Variants in CES5A observed in about 807,000 individuals in gnomAD.
CES5A encodes the protein carboxylesterase 5A.
Under a neutral mutation model 62.9 loss-of-function variants are expected in CES5A, and 67 were observed. That is an observed-to-expected ratio of 1.07 (90% CI 0.88 to 1.31). CES5A has a LOEUF of 1.31. Ranked by LOEUF, CES5A falls within the 50% of genes most tolerant of loss-of-function variation. The pLI is 0.00. For missense variants in CES5A, 748 were observed against 708.5 expected (o/e 1.06, Z -0.63); for synonymous variants, 296 against 280.8 (o/e 1.05, Z -0.54).
intron 1 of CES5A, among the ~76,000 whole-genome samples, chr16:55,882,873 T>C (rs2033775775): frequency 6.6e-6 from 1 of 152,208 alleles, no homozygotes; most frequent in Non-Finnish European, 1.5e-5. Flanking sequence ...CTCTTGCTCA[T>C]CCTGTCCATT....
At chr16:55,868,271 C>A (rs1304140650) in intron 4 of CES5A, among the ~76,000 whole-genome samples, 1 of 152,222 alleles carries the variant, frequency 6.6e-6, no homozygotes, top group Non-Finnish European at 1.5e-5. Flanking sequence ...GGTCAGGGCA[C>A]CCCGTCAGCC....
At chr16:55,952,884 A>G (rs2034573433) in intron 1 of CES5A, among the ~76,000 whole-genome samples, 1 of 152,212 alleles carries the variant, frequency 6.6e-6, no homozygotes, top group African/African-American at 2.4e-5. Context: ...GGCATGGAAG[A>G]AGATAAAAAC....
intron 4 of CES5A, among the ~76,000 whole-genome samples, chr16:55,866,674 A>C (rs2033470118): frequency 7.2e-6 from 1 of 138,610 alleles, no homozygotes; most frequent in African/African-American, 2.6e-5. Context: ...AAAAAAAAAA[A>C]AAAATACAAA....
chr16:55,955,572 C>T (rs1048566726), intron 1 of CES5A, among the ~76,000 whole-genome samples: 2 of 152,162 alleles, frequency 1.3e-5, no homozygotes, highest in African/African-American at 4.8e-5. Flanking sequence ...CGCCACATGC[C>T]GCATGGAGGA....
In CES5A at chr16:55,871,760, G is replaced by A; in HGVS notation, c.282C>T (p.Cys94=). Residue 94 remains cysteine, a synonymous_variant, in exon 3 of 13, where the codon TGC becomes TGT. Transcript: ENST00000290567. The stretch of plus-strand genomic sequence containing the variant: ...AGAGCAGCCACTCTGAGTTCTGGAG[G>A]CACCTTGGAGAAGGAGAGGAGAAAA... ...LREATSYPNL[C]LQNSEWLLLD... The A allele has an allele frequency of 6.2e-7, 1 of 1,613,864 alleles. No homozygotes were observed. The highest frequency in any genetic ancestry group is 1.1e-5 in the South Asian group (1 of 91,036).
chr16:55,882,159 T>C (rs2033768292), intron 1 of CES5A, among the ~76,000 whole-genome samples: 1 of 152,168 alleles, frequency 6.6e-6, no homozygotes, highest in Non-Finnish European at 1.5e-5. Flanking sequence ...CTCATTGTTT[T>C]AAGGAGTCTG....
chr16:55,885,663 C>T (rs913741380), intron 1 of CES5A, among the ~76,000 whole-genome samples: 8 of 152,138 alleles, frequency 5.3e-5, no homozygotes, highest in African/African-American at 1.9e-4. Context: ...TGTATCCCTG[C>T]TACACTCGTT....
intron 2 of CES5A, among the ~76,000 whole-genome samples, chr16:55,935,018 C>CT (rs2034357598): frequency 6.6e-6 from 1 of 152,244 alleles, no homozygotes; most frequent in African/African-American, 2.4e-5. Flanking sequence ...TCTCAGCTCA[C>CT]TGCAACCTCC....
At chr16:55,861,630 T>A in intron 6 of CES5A, 114 bp from the exon 7 acceptor site, 1 of 738,916 alleles carries the variant, frequency 1.4e-6, no homozygotes, top group Non-Finnish European at 2.4e-6. Flanking sequence ...TATGAGTCCA[T>A]CCTGCTAACA....
chr16:55,918,243 C>T (rs1490466549), intron 1 of CES5A, among the ~76,000 whole-genome samples: 1 of 152,232 alleles, frequency 6.6e-6, no homozygotes, highest in East Asian at 1.9e-4. Flanking sequence ...GAGGTACAAA[C>T]TGCACAGAGG....
chr16:55,912,117 A>C (rs536578443), intron 1 of CES5A, among the ~76,000 whole-genome samples: 97 of 152,158 alleles, frequency 6.4e-4, no homozygotes, highest in Non-Finnish European at 8.2e-4. Context: ...ATGTATTCTC[A>C]TGGGCCTGAC....
At chr16:55,946,318 C>T (rs2034494167) in intron 2 of CES5A, among the ~76,000 whole-genome samples, 1 of 151,984 alleles carries the variant, frequency 6.6e-6, no homozygotes, top group Admixed American at 6.6e-5. Context: ...AGGCCAAGGG[C>T]AGGGTTACCA....
chr16:55,927,654 TATA>T (rs2034271872), upstream of CES5A, among the ~76,000 whole-genome samples: 1 of 152,186 alleles, frequency 6.6e-6, no homozygotes, highest in African/African-American at 2.4e-5. Flanking sequence ...AGGGGATGCT[TATA>T]CATTGTTGGT....
At chr16:55,870,438 G>A (rs1181028446) in intron 3 of CES5A, among the ~76,000 whole-genome samples, 1 of 152,186 alleles carries the variant, frequency 6.6e-6, no homozygotes, top group African/African-American at 2.4e-5. Context: ...AGTGGCTCAC[G>A]CCTGTAATCC....
At chr16:55,881,730 C>A (rs2033764102) in intron 1 of CES5A, among the ~76,000 whole-genome samples, 1 of 152,064 alleles carries the variant, frequency 6.6e-6, no homozygotes, top group South Asian at 2.1e-4. Context: ...ACAGAGGATC[C>A]CTTCACTAAG....
intron 1 of CES5A, chr16:55,949,906 G>A: frequency 4.7e-6 from 6 of 1,275,136 alleles, no homozygotes; most frequent in East Asian, 2.6e-5. Flanking sequence ...TAAACTCCTG[G>A]AAAAAAAGAA....
intron 1 of CES5A, among the ~76,000 whole-genome samples, chr16:55,954,207 T>C (rs568526521): frequency 3.9e-5 from 6 of 152,160 alleles, no homozygotes; most frequent in Non-Finnish European, 8.8e-5. Context: ...CAAGCTCAGA[T>C]AGCAAAGGCC....
intron 1 of CES5A, among the ~76,000 whole-genome samples, chr16:55,922,512 T>A (rs1040721104): frequency 2.0e-5 from 3 of 151,998 alleles, no homozygotes; most frequent in African/African-American, 7.2e-5. Flanking sequence ...TAAATACTTA[T>A]GTATCCAGTA....
chr16:55,887,033 T>C (rs1223716658), intron 1 of CES5A, among the ~76,000 whole-genome samples: 2 of 152,102 alleles, frequency 1.3e-5, no homozygotes, highest in Non-Finnish European at 2.9e-5. Flanking sequence ...AGGAATGAAC[T>C]TGGTATCAAC....
Sources: gnomAD v4.1 joint callset for allele counts (sites outside exome capture counted in the v4.1 genomes callset) on GRCh38, gnomAD v4.1.1 for gene constraint, MANE v1.5 for transcripts, NCBI Gene and HGNC (gene_info 2026-07-23, HGNC 2026-07-21) for gene names.